OPN3: variants seen among roughly 807,000 people sequenced by gnomAD.
OPN3 encodes the protein opsin-3.
Under a neutral mutation model 33.8 loss-of-function variants are expected in OPN3, and 29 were observed. The ratio of observed to expected loss-of-function variants is 0.86; its 90% CI spans 0.64 to 1.17. The LOEUF (loss-of-function observed/expected upper bound fraction) is 1.17. Ranked by LOEUF, OPN3 falls within the 50% of genes most tolerant of loss-of-function variation. The probability of loss-of-function intolerance (pLI) is 0.00; values close to 1 mark genes in which losing one functional copy is unlikely to be tolerated. For missense variants in OPN3, 437 were observed against 514.1 expected, an observed-to-expected ratio of 0.85 and a Z score of 1.45; for synonymous variants, 216 against 216.1, an observed-to-expected ratio of 1.00 and a Z score of 0.00.
intron 2 of OPN3, among the ~76,000 whole-genome samples, chr1:241,599,368 G>A (rs1212073425): frequency 1.3e-5 from 2 of 151,778 alleles, no homozygotes; most frequent in East Asian, 1.9e-4. Context: ...AATATATAAA[G>A]TATTTGTATT....
chr1:241,635,499 G>A (rs920323227), intron 1 of OPN3: 13 of 1,613,676 alleles, frequency 8.1e-6, no homozygotes, highest in East Asian at 6.7e-5. Flanking sequence ...TCCTTCTTGC[G>A]AAGAGTGATG....
chr1:241,604,399 C>T lies in OPN3; in HGVS notation c.554G>A (p.Gly185Glu), dbSNP rs202154092. The change falls in exon 2 of 4, where the codon GGA becomes GAA. Residue 185 changes from glycine to glutamate, a missense_variant. Physicochemically the swap from Gly to Glu is moderately conservative, Grantham distance 98 (BLOSUM62 -2). Coordinates refer to ENST00000366554, the MANE Select transcript of OPN3 (RefSeq NM_014322.3). ...TTTCCAGTCCACAGTGCAGCCTAGT[C>T]CGTGTACGTCCAGGATGTACCTGTT... ...GWNRYILDVH[G>E]LGCTVDWKSK... 2 of 1,614,154 alleles carry T rather than the reference C, an allele frequency of 1.2e-6. No individual in the cohort carries two copies. Among genetic ancestry groups the T allele is most frequent in the African/African-American group, 2.7e-5 (2 of 75,030 alleles).
At chr1:241,632,481 A>C (rs1664678053) in intron 1 of OPN3, 1 of 152,170 alleles carries the variant, frequency 6.6e-6, no homozygotes, top group Non-Finnish European at 1.5e-5. Flanking sequence ...CACAGGGATC[A>C]TCATACTCTG....
intron 1 of OPN3, among the ~76,000 whole-genome samples, chr1:241,636,403 T>TA (rs1378901041): frequency 8.5e-5 from 13 of 152,364 alleles, no homozygotes; most frequent in African/African-American, 3.1e-4. Flanking sequence ...GCTGTGAGCT[T>TA]AGACTAAAAG....
At position 241,597,746 on chromosome 1, in the gene OPN3, CT is replaced by C; in HGVS notation, c.944del (p.Lys315SerfsTer15). The C allele has an allele frequency of 6.2e-7, 1 of 1,610,774 alleles. No homozygotes were observed. ...NPVIYVFMIR[K>X]FRRSLLQLLC... ...ACAATCAGTTAATTGCAAAGCTTACCTTTCTGATCATGAAGACATAAATCAC... is the reference window on the plus strand; with the variant it reads ...ACAATCAGTTAATTGCAAAGCTTACCTTCTGATCATGAAGACATAAATCAC... On this transcript the variant is annotated frameshift_variant and splice_region_variant, in exon 3 of 4. Coordinates refer to ENST00000366554, the MANE Select transcript of OPN3 (RefSeq NM_014322.3). LOFTEE classifies it high-confidence loss of function.
intron 1 of OPN3, among the ~76,000 whole-genome samples, chr1:241,627,992 C>T (rs1344851526): frequency 2.6e-5 from 4 of 152,154 alleles, no homozygotes; most frequent in African/African-American, 9.7e-5. Context: ...TTGGCTCCTT[C>T]CCCAGGCAAA....
intron 1 of OPN3, chr1:241,634,585 T>C: frequency 1.2e-6 from 2 of 1,613,790 alleles, no homozygotes; most frequent in Non-Finnish European, 1.7e-6. Context: ...CACCAAAAAC[T>C]GCACACATCC....
intron 3 of OPN3, 109 bp from the exon 4 acceptor site, chr1:241,594,800 A>C (rs1331462744): frequency 2.3e-6 from 3 of 1,311,956 alleles, no homozygotes; most frequent in Non-Finnish European, 1.1e-6. Context: ...TTTGTTTGTT[A>C]GCAGGTGTGG....
At chr1:241,624,183 C>T (rs964859448) in intron 1 of OPN3, among the ~76,000 whole-genome samples, 56 of 147,062 alleles carry the variant, frequency 3.8e-4, no homozygotes, top group African/African-American at 1.3e-3. Flanking sequence ...TGCCTCTCCA[C>T]GCCAGGCCAG....
intron 1 of OPN3, among the ~76,000 whole-genome samples, 156 bp downstream of exon 1, chr1:241,639,726 G>C (rs915170668): frequency 6.6e-5 from 10 of 150,668 alleles, no homozygotes; most frequent in Admixed American, 4.6e-4. Flanking sequence ...GCAGCGTTGA[G>C]GAGGCGAGCG....
intron 1 of OPN3, among the ~76,000 whole-genome samples, chr1:241,619,350 C>G (rs1265317035): frequency 6.6e-6 from 1 of 152,156 alleles, no homozygotes; most frequent in Non-Finnish European, 1.5e-5. Flanking sequence ...AGAGTCAGTA[C>G]CGATGTCCGG....
intron 1 of OPN3, chr1:241,636,054 T>C (rs1052695826): frequency 2.4e-5 from 11 of 456,852 alleles, no homozygotes; most frequent in African/African-American, 4.1e-5. Context: ...CATATATGCA[T>C]TTGTGACTGG....
intron 1 of OPN3, chr1:241,629,187 G>A (rs1487067262): frequency 1.3e-5 from 2 of 152,154 alleles, no homozygotes; most frequent in African/African-American, 4.8e-5. Flanking sequence ...GAGTGGAACT[G>A]CTAGAAAACT....
chr1:241,629,319 G>A (rs1664525132), intron 1 of OPN3: 2 of 152,082 alleles, frequency 1.3e-5, no homozygotes, highest in South Asian at 2.1e-4. Context: ...CTCTTAAAAG[G>A]CTACTAATAC....
At chr1:241,612,508 A>T (rs1025618886) in intron 1 of OPN3, among the ~76,000 whole-genome samples, 4 of 152,166 alleles carry the variant, frequency 2.6e-5, no homozygotes, top group Non-Finnish European at 5.9e-5. Context: ...TAATCAAGGA[A>T]AAAAGGACAA....
chr1:241,638,829 G>T (rs1360033079), intron 1 of OPN3, among the ~76,000 whole-genome samples: 4 of 152,082 alleles, frequency 2.6e-5, no homozygotes, highest in African/African-American at 4.8e-5. Flanking sequence ...TACTGAATAA[G>T]AAAATATTTT....
Position 241,634,320 on chromosome 1 carries a change from C to G in OPN3, c.373+5562G>C, listed in dbSNP as rs1028233433. 3 of 1,613,890 alleles carry G rather than the reference C, an allele frequency of 1.9e-6. No individual in the cohort carries two copies. The African/African-American group carries it at 4.0e-5, about 22-fold the overall frequency. ...ACCCGTACAGCACAAGCTCCTGGCT[C>G]TGCTGGAGGAACTATCAGAATGGAA... On this transcript the variant is annotated intron_variant, in intron 1 of 3. Transcript: ENST00000366554.
Position 241,593,221 on chromosome 1 carries a change from C to A in OPN3, c.*1207G>T. 7.7e-6 allele frequency: 2 copies of A among 260,990 alleles called. No homozygotes were observed. Among genetic ancestry groups the A allele is most frequent in the Non-Finnish European group, 1.8e-5 (2 of 112,128 alleles). The allele number at this position is 260,990 out of a possible 1,614,324, so 16.2% of individuals were successfully genotyped here. On this transcript the variant is annotated 3_prime_UTR_variant, in exon 4 of 4. Coordinates refer to ENST00000366554, the MANE Select transcript of OPN3 (RefSeq NM_014322.3). ...GACAACTTTTATAGAAATACAAAGC[C>A]ATTACTTTATTCAATTTCAGACCCT...
At chr1:241,612,379 T>G (rs1664021459) in intron 1 of OPN3, among the ~76,000 whole-genome samples, 1 of 152,228 alleles carries the variant, frequency 6.6e-6, no homozygotes, top group South Asian at 2.1e-4. Context: ...AAGATGCAGT[T>G]TAACTATTTT....
Sources: allele counts gnomAD v4.1 joint callset (sites outside exome capture counted in the v4.1 genomes callset), GRCh38; gene constraint gnomAD v4.1.1; transcripts MANE v1.5; gene names NCBI Gene and HGNC (gene_info 2026-07-23, HGNC 2026-07-21).